BCAT1: variants seen among roughly 807,000 people sequenced by gnomAD.
The protein encoded by BCAT1 is branched chain amino acid transaminase 1, also known as branched-chain-amino-acid aminotransferase, cytosolic.
In BCAT1, 48 loss-of-function variants were observed where a neutral mutation model predicts 52.4. That is an observed-to-expected ratio of 0.92 (90% CI 0.73 to 1.16). The LOEUF (loss-of-function observed/expected upper bound fraction) is 1.16. Among genes scored for constraint, BCAT1 ranks in the 50% most tolerant of loss-of-function variants. The pLI is 0.00. For missense variants in BCAT1, 451 were observed against 457.1 expected, an observed-to-expected ratio of 0.99 and a Z score of 0.12; for synonymous variants, 167 against 161.3, an observed-to-expected ratio of 1.04 and a Z score of -0.27.
intron 5 of BCAT1, among the ~76,000 whole-genome samples, chr12:24,856,217 A>G (rs1941676469): frequency 6.6e-6 from 1 of 152,102 alleles, no homozygotes; most frequent in African/African-American, 2.4e-5. Context: ...CCCGGTGTGG[A>G]TGATAGAGCT....
At chr12:24,916,026 A>G (rs957610388) in intron 1 of BCAT1, among the ~76,000 whole-genome samples, 2 of 152,218 alleles carry the variant, frequency 1.3e-5, no homozygotes, top group South Asian at 4.2e-4. Context: ...GGGAGTAGCA[A>G]CACATGCCTG....
At position 24,901,835 on chromosome 12, in the gene BCAT1, T is replaced by C. The variant is rs185686698; in HGVS notation, c.57A>G (p.Lys19=). ...SAECTGEGGS[K]EVVGTFKAKD... is the part of the protein sequence containing the mutation. ...TTACCTTAAAAGTCCCCACCACCTC[T>C]TTTGATCCTCCTTCTCCGGTACACT... is the stretch of plus-strand genomic sequence containing the variant. Residue 19 remains lysine (K), a synonymous_variant, in exon 2 of 11, where the codon AAA becomes AAG. Transcript: ENST00000261192. 9 of 1,613,996 alleles carry C rather than the reference T, an allele frequency of 5.6e-6. No homozygotes were observed. Among genetic ancestry groups the C allele is most frequent in the Middle Eastern group, 1.6e-4 (1 of 6,062 alleles).
chr12:24,914,143 A>T (rs1192115959), intron 1 of BCAT1, among the ~76,000 whole-genome samples: 1 of 149,540 alleles, frequency 6.7e-6, no homozygotes, highest in Non-Finnish European at 1.5e-5. Flanking sequence ...GTGCAGTGTC[A>T]TAATCTCAGC....
intron 1 of BCAT1, among the ~76,000 whole-genome samples, chr12:24,934,362 T>C (rs994356369): frequency 3.3e-5 from 5 of 152,294 alleles, no homozygotes; most frequent in Non-Finnish European, 7.4e-5. Flanking sequence ...AAACCTCTTT[T>C]CTTTATAAAT....
At chr12:24,910,247 G>T (rs1344710780) in intron 1 of BCAT1, among the ~76,000 whole-genome samples, 1 of 151,860 alleles carries the variant, frequency 6.6e-6, no homozygotes, top group Non-Finnish European at 1.5e-5. Context: ...CTTGATGGCG[G>T]GTGCCTGTAA....
intron 5 of BCAT1, among the ~76,000 whole-genome samples, chr12:24,856,769 C>A (rs988162503): frequency 6.6e-6 from 1 of 152,182 alleles, no homozygotes; most frequent in Non-Finnish European, 1.5e-5. Context: ...GGATAGAATG[C>A]AGGCCTAGGA....
chr12:24,857,695 C>T (rs937692104), intron 5 of BCAT1, among the ~76,000 whole-genome samples: 2 of 152,166 alleles, frequency 1.3e-5, no homozygotes, highest in African/African-American at 4.8e-5. Flanking sequence ...ATCTGTTTTC[C>T]TCATGGAACC....
Position 24,943,948 on chromosome 12 carries a change from T to C in BCAT1, c.6+4979A>G, listed in dbSNP as rs192581264. Among the ~76,000 whole-genome samples, 142 of 151,708 alleles carry C rather than the reference T, an allele frequency of 9.4e-4. No individual in the cohort carries two copies. The South Asian group carries it at 0.014, about 15-fold the overall frequency. Reference sequence around the variant, plus strand: ...GCAGTGAGCCGAGATCGCACCACTGTACTCCAGCCTGGGTGACAGAGCAAG... The same window carrying C: ...GCAGTGAGCCGAGATCGCACCACTGCACTCCAGCCTGGGTGACAGAGCAAG... On this transcript the variant is annotated intron_variant, in intron 1 of 10. Transcript: ENST00000261192.
intron 5 of BCAT1, among the ~76,000 whole-genome samples, chr12:24,861,745 C>T (rs1024187124): frequency 6.6e-6 from 1 of 152,114 alleles, no homozygotes; most frequent in African/African-American, 2.4e-5. Context: ...GAGCTGAGAC[C>T]ACCTGTGCTC....
At chr12:24,878,461 G>A in intron 5 of BCAT1, 69 bp downstream of exon 5, 1 of 1,434,758 alleles carries the variant, frequency 7.0e-7, no homozygotes, top group Non-Finnish European at 9.4e-7. Flanking sequence ...TATGCTAGAA[G>A]TTTCAAACAA....
At chr12:24,932,711 A>C (rs571245787) in intron 1 of BCAT1, among the ~76,000 whole-genome samples, 7 of 152,300 alleles carry the variant, frequency 4.6e-5, no homozygotes, top group Non-Finnish European at 8.8e-5. Context: ...ATCTTAACTC[A>C]CTGCAACCTC....
intron 5 of BCAT1, 80 bp downstream of exon 5, chr12:24,878,450 A>G (rs531360137): frequency 3.6e-5 from 49 of 1,356,986 alleles, no homozygotes; most frequent in Admixed American, 1.3e-4. Context: ...ACTGCAAACT[A>G]TATGCTAGAA....
chr12:24,915,379 T>C (rs1160676906), intron 1 of BCAT1, among the ~76,000 whole-genome samples: 5 of 151,944 alleles, frequency 3.3e-5, no homozygotes, highest in African/African-American at 1.2e-4. Context: ...GCAAGAGAAA[T>C]ACACAGATTA....
chr12:24,829,950 T>C, intron 9 of BCAT1, 53 bp from the exon 10 acceptor site: 1 of 1,384,034 alleles, frequency 7.2e-7, no homozygotes, highest in Non-Finnish European at 1.0e-6. Flanking sequence ...TATATGGTGA[T>C]AACAGATAAG....
At chr12:24,851,261 C>G (rs375436573) in intron 5 of BCAT1, among the ~76,000 whole-genome samples, 1 of 152,190 alleles carries the variant, frequency 6.6e-6, no homozygotes, top group South Asian at 2.1e-4. Flanking sequence ...GAATGGGGAT[C>G]TGTCAGGAGA....
At chr12:24,888,767 G>C (rs1157937976) in intron 3 of BCAT1, among the ~76,000 whole-genome samples, 2 of 152,120 alleles carry the variant, frequency 1.3e-5, no homozygotes, top group Admixed American at 1.3e-4. Context: ...AGATAGTGAG[G>C]GTACAAGAGT....
chr12:24,866,627 C>T (rs750145510), intron 5 of BCAT1, among the ~76,000 whole-genome samples: 8 of 152,310 alleles, frequency 5.3e-5, no homozygotes, highest in Middle Eastern at 3.4e-3. Flanking sequence ...CACCAATCGG[C>T]GCTCTGTATC....
At chr12:24,880,851 T>TC (rs11394415) in intron 4 of BCAT1, among the ~76,000 whole-genome samples, 1 of 102,340 alleles carries the variant, frequency 9.8e-6, no homozygotes, top group Admixed American at 9.2e-5. Flanking sequence ...TTTGTTTTTT[T>TC]TTTTTACAGA....
chr12:24,901,979 C>T (rs1271682741), intron 1 of BCAT1, 94 bp from the exon 2 acceptor site: 2 of 1,607,852 alleles, frequency 1.2e-6, no homozygotes, highest in Non-Finnish European at 1.7e-6. Context: ...ACCGTGCGCT[C>T]CTCTCCAGGA....
Sources: allele counts gnomAD v4.1 joint callset (sites outside exome capture counted in the v4.1 genomes callset), GRCh38; gene constraint gnomAD v4.1.1; transcripts MANE v1.5; gene names NCBI Gene and HGNC (gene_info 2026-07-23, HGNC 2026-07-21).